Variants in LOC400499 observed in about 807,000 individuals in gnomAD.
chr16:11,383,946 G>T, the LOC400499 span: 4 of 1,231,798 alleles, frequency 3.2e-6, no homozygotes, highest in African/African-American at 6.2e-5. Flanking sequence ...AGCAGGCGGG[G>T]AGCTGTCCCG....
chr16:11,399,996 G>GCCTA, the LOC400499 span, among the ~76,000 whole-genome samples: 1 of 151,594 alleles, frequency 6.6e-6, no homozygotes, highest in East Asian at 1.9e-4. Context: ...AGACTGCCCT[G>GCCTA]CCTACCCCCA....
the LOC400499 span, among the ~76,000 whole-genome samples, chr16:11,513,468 A>G: frequency 2.6e-5 from 4 of 151,694 alleles, no homozygotes; most frequent in South Asian, 6.2e-4. Flanking sequence ...GTCTTACTCT[A>G]TCGCCCAGGC....
At chr16:11,483,994 C>CTTTTTTTTTT in the LOC400499 span, among the ~76,000 whole-genome samples, 2 of 34,828 alleles carry the variant, frequency 5.7e-5, 1 homozygote, top group African/African-American at 2.6e-4. Context: ...GAGGAAGGGA[C>CTTTTTTTTTT]TTTTTTTTTT....
the LOC400499 span, among the ~76,000 whole-genome samples, chr16:11,490,259 G>A: frequency 6.6e-6 from 1 of 152,032 alleles, no homozygotes; most frequent in South Asian, 2.1e-4. Context: ...AGCCGGGCAT[G>A]GTGGTGTGCA....
At chr16:11,491,879 G>A in the LOC400499 span, 2 of 398,710 alleles carry the variant, frequency 5.0e-6, no homozygotes, top group Non-Finnish European at 8.8e-6. Context: ...ATCACCCAAG[G>A]CCTACCTACC....
the LOC400499 span, chr16:11,411,164 T>TCC: frequency 2.5e-6 from 1 of 398,654 alleles, no homozygotes; most frequent in Non-Finnish European, 4.4e-6. Context: ...GTATTAACAC[T>TCC]CCCCAGAGGG....
the LOC400499 span, chr16:11,411,406 A>G: frequency 2.5e-6 from 1 of 398,906 alleles, no homozygotes; most frequent in Non-Finnish European, 4.4e-6. Context: ...GTCGAGACCA[A>G]GGGGACTTCC....
chr16:11,449,892 T>C, the LOC400499 span, among the ~76,000 whole-genome samples: 1 of 152,212 alleles, frequency 6.6e-6, no homozygotes, highest in African/African-American at 2.4e-5. Flanking sequence ...GCACCTCCAC[T>C]GCCACCACCC....
the LOC400499 span, among the ~76,000 whole-genome samples, chr16:11,413,451 G>A: frequency 1.3e-5 from 2 of 152,162 alleles, no homozygotes; most frequent in Non-Finnish European, 2.9e-5. Context: ...ATTGGCGCCT[G>A]GCTCTAGAAT....
chr16:11,474,424 G>A, the LOC400499 span, among the ~76,000 whole-genome samples: 1 of 152,136 alleles, frequency 6.6e-6, no homozygotes, highest in African/African-American at 2.4e-5. Flanking sequence ...TGCCTACTCT[G>A]GAATATTTGA....
At chr16:11,511,640 T>G in the LOC400499 span, among the ~76,000 whole-genome samples, 16 of 151,992 alleles carry the variant, frequency 1.1e-4, no homozygotes, top group African/African-American at 3.9e-4. Flanking sequence ...AACAGGAAAA[T>G]TAGAGGCAGA....
At chr16:11,374,395 G>T in the LOC400499 span, among the ~76,000 whole-genome samples, 445 of 152,324 alleles carry the variant, frequency 2.9e-3, 3 homozygotes, top group African/African-American at 0.01. Context: ...ACACAATTCA[G>T]TGTAAGTACA....
chr16:11,446,968 G>T, the LOC400499 span: 2 of 1,492,304 alleles, frequency 1.3e-6, no homozygotes, highest in South Asian at 2.6e-5. Flanking sequence ...AGTGCCAGGG[G>T]ACAATTGTGC....
chr16:11,466,491 C>A, the LOC400499 span, among the ~76,000 whole-genome samples: 5 of 152,018 alleles, frequency 3.3e-5, no homozygotes, highest in African/African-American at 1.2e-4. Flanking sequence ...CAGGTTCAAG[C>A]AATTCTCCTG....
At chr16:11,419,124 C>T in the LOC400499 span, among the ~76,000 whole-genome samples, 5 of 152,244 alleles carry the variant, frequency 3.3e-5, no homozygotes, top group African/African-American at 1.2e-4. Context: ...CGAGATCACA[C>T]TACTGTACTC....
At chr16:11,409,508 C>T in the LOC400499 span, among the ~76,000 whole-genome samples, 1 of 152,268 alleles carries the variant, frequency 6.6e-6, no homozygotes, top group South Asian at 2.1e-4. Context: ...GCAACCCCCA[C>T]AACATTTTAC....
the LOC400499 span, among the ~76,000 whole-genome samples, chr16:11,427,182 A>G: frequency 3.3e-5 from 5 of 149,954 alleles, no homozygotes; most frequent in African/African-American, 4.9e-5. Flanking sequence ...ACAAGGAGAA[A>G]CCCCGTCTCT....
the LOC400499 span, chr16:11,460,875 G>C: frequency 7.8e-6 from 11 of 1,415,880 alleles, no homozygotes; most frequent in South Asian, 1.5e-5. Context: ...TGGTGACAGC[G>C]TATCTCAGCT....
the LOC400499 span, chr16:11,519,103 C>CCCT: frequency 2.5e-6 from 1 of 396,954 alleles, no homozygotes; most frequent in Non-Finnish European, 4.4e-6. Context: ...GCAGAGAGAC[C>CCCT]CCTCCCTTGA....
Sources: gnomAD v4.1 joint callset for allele counts (sites outside exome capture counted in the v4.1 genomes callset) on GRCh38, gnomAD v4.1.1 for gene constraint, MANE v1.5 for transcripts.